The following PCED1B variants were observed in gnomAD, a reference collection of about 807,000 sequenced individuals.
PCED1B encodes the protein PC-esterase domain containing 1B.
For missense variants in PCED1B, 573 were observed against 573.9 expected (o/e 1.00, Z 0.02); for synonymous variants, 251 against 246.1 (o/e 1.02, Z -0.19).
intron 2 of PCED1B, among the ~76,000 whole-genome samples, chr12:47,112,461 C>T (rs910295509): frequency 2.0e-5 from 3 of 152,236 alleles, no homozygotes; most frequent in African/African-American, 7.2e-5. Flanking sequence ...AAATATATCT[C>T]TCCATATTCC....
At chr12:47,155,050 A>G (rs1409912434) in intron 2 of PCED1B, among the ~76,000 whole-genome samples, 1 of 152,138 alleles carries the variant, frequency 6.6e-6, no homozygotes, top group Non-Finnish European at 1.5e-5. Context: ...GACTGAGTGG[A>G]TGGATGATTC....
chr12:47,170,677 T>C (rs914090087), intron 2 of PCED1B, among the ~76,000 whole-genome samples: 1 of 152,280 alleles, frequency 6.6e-6, no homozygotes, highest in Non-Finnish European at 1.5e-5. Context: ...CACTTTGTTT[T>C]AAGCATTAAA....
chr12:47,187,627 G>T (rs1942312993), intron 2 of PCED1B, among the ~76,000 whole-genome samples: 1 of 152,036 alleles, frequency 6.6e-6, no homozygotes, highest in African/African-American at 2.4e-5. Context: ...AACTAAACAT[G>T]CTAATGAACT....
intron 1 of PCED1B, among the ~76,000 whole-genome samples, chr12:47,099,549 T>G (rs1938616177): frequency 6.6e-6 from 1 of 152,168 alleles, no homozygotes; most frequent in Non-Finnish European, 1.5e-5. Flanking sequence ...TCCTTCTCCC[T>G]CTCTCAGAAT....
At chr12:47,211,050 G>A (rs1943062283) in intron 2 of PCED1B, among the ~76,000 whole-genome samples, 1 of 152,056 alleles carries the variant, frequency 6.6e-6, no homozygotes, top group Admixed American at 6.6e-5. Flanking sequence ...TTTTCATGGC[G>A]CTATTTTCAT....
At chr12:47,173,713 A>T (rs937242213) in intron 2 of PCED1B, among the ~76,000 whole-genome samples, 1 of 152,210 alleles carries the variant, frequency 6.6e-6, no homozygotes, top group Non-Finnish European at 1.5e-5. Flanking sequence ...TAATCTTTGA[A>T]GTACCAGAAG....
intron 2 of PCED1B, among the ~76,000 whole-genome samples, chr12:47,176,817 C>T (rs1941939537): frequency 6.6e-6 from 1 of 151,668 alleles, no homozygotes; most frequent in South Asian, 2.1e-4. Flanking sequence ...GACGCTATTT[C>T]CAATGTCAAC....
intron 2 of PCED1B, among the ~76,000 whole-genome samples, chr12:47,211,624 A>G (rs935127945): frequency 1.5e-5 from 2 of 136,798 alleles, no homozygotes; most frequent in Non-Finnish European, 3.0e-5. Context: ...ACTGCACTCT[A>G]CTATGGGCAA....
intron 2 of PCED1B, among the ~76,000 whole-genome samples, chr12:47,108,523 G>T (rs79365036): frequency 0.02 from 3,041 of 152,208 alleles, 109 homozygotes; most frequent in African/African-American, 0.07. Flanking sequence ...GATCATCTTT[G>T]TACTTTTCCT....
chr12:47,188,818 C>CTCT (rs1942356638), intron 2 of PCED1B, among the ~76,000 whole-genome samples: 1 of 152,066 alleles, frequency 6.6e-6, no homozygotes, highest in African/African-American at 2.4e-5. Flanking sequence ...ACTCATTCTC[C>CTCT]GTAAAAAACA....
chr12:47,220,224 T>C (rs1021239904), intron 3 of PCED1B, among the ~76,000 whole-genome samples: 3 of 152,156 alleles, frequency 2.0e-5, no homozygotes, highest in Non-Finnish European at 4.4e-5. Flanking sequence ...CAAGCTGGAG[T>C]GCAGTGGCGC....
At chr12:47,119,442 C>A (rs936512613) in intron 2 of PCED1B, among the ~76,000 whole-genome samples, 1 of 151,816 alleles carries the variant, frequency 6.6e-6, no homozygotes, top group Admixed American at 6.6e-5. Flanking sequence ...CCTATAATCC[C>A]AAAGTATTGG....
intron 2 of PCED1B, among the ~76,000 whole-genome samples, chr12:47,189,243 C>T (rs1255091118): frequency 3.3e-5 from 5 of 152,098 alleles, no homozygotes; most frequent in Non-Finnish European, 7.4e-5. Context: ...AAGACAGGGC[C>T]GCCATTACCC....
rs371572085 is a variant in PCED1B at position 47,233,302 on chromosome 12, C to T, written c.-57-1705C>T. 4.3e-4 allele frequency among the ~76,000 whole-genome samples: 65 copies of T among 152,276 alleles called. No individual in the cohort carries two copies. The South Asian group carries it at 0.013, about 31-fold the overall frequency. On this transcript the variant is annotated intron_variant, in intron 3 of 3. Coordinates refer to ENST00000546455, the MANE Select transcript of PCED1B (RefSeq NM_138371.3). ...CTGTTCAGGTGTCCGCCACCACGCC[C>T]GGCTAATTTTTTGTATTTTTAGTAG...
intron 2 of PCED1B, among the ~76,000 whole-genome samples, chr12:47,170,541 A>G (rs1399697418): frequency 1.3e-5 from 2 of 151,800 alleles, no homozygotes; most frequent in African/African-American, 2.4e-5. Context: ...CCTCCCGGAT[A>G]TTACTCATCT....
intron 2 of PCED1B, among the ~76,000 whole-genome samples, chr12:47,166,176 G>A (rs1462403629): frequency 6.6e-6 from 1 of 152,156 alleles, no homozygotes; most frequent in Non-Finnish European, 1.5e-5. Flanking sequence ...CAGGCTCTGT[G>A]GGAGGGTAAG....
intron 2 of PCED1B, among the ~76,000 whole-genome samples, chr12:47,139,576 G>A (rs77078479): frequency 0.067 from 10,177 of 152,202 alleles, 487 homozygotes; most frequent in African/African-American, 0.14. Flanking sequence ...TGGAAATAAG[G>A]TCAGGAAGGC....
In PCED1B at chr12:47,195,376, T is replaced by C. The variant is rs77200051; in HGVS notation, c.-525-20846T>C. Among the ~76,000 whole-genome samples the C allele has an allele frequency of 1.9e-3, 289 of 151,716 alleles. 10 individuals are homozygous for C. In the East Asian group the frequency reaches 0.026, roughly 14 times the overall value. On this transcript the variant is annotated intron_variant, in intron 2 of 3. Coordinates refer to ENST00000546455, the MANE Select transcript of PCED1B (RefSeq NM_138371.3). ...AAATATTTCTGAAGGTGACAGCTAA[T>C]GTCTCGAGGGAGAAAATGAGGATCA...
chr12:47,169,376 G>A lies in PCED1B; in HGVS notation c.-525-46846G>A, dbSNP rs117914645. Among the ~76,000 whole-genome samples the A allele has an allele frequency of 3.4e-3, 514 of 152,040 alleles. 8 individuals are homozygous for A. In the South Asian group the frequency reaches 0.041, roughly 12 times the overall value. On this transcript the variant is annotated intron_variant, in intron 2 of 3. Coordinates refer to ENST00000546455, the MANE Select transcript of PCED1B (RefSeq NM_138371.3). ...ACCTCTCATGTGAGGGTCTTATGTCGTATTTCAGGGGAGAAGAAAGTGTCA... is the reference window on the plus strand; with the variant it reads ...ACCTCTCATGTGAGGGTCTTATGTCATATTTCAGGGGAGAAGAAAGTGTCA...
Sources: allele counts gnomAD v4.1 joint callset (sites outside exome capture counted in the v4.1 genomes callset), GRCh38; gene constraint gnomAD v4.1.1; transcripts MANE v1.5; gene names NCBI Gene and HGNC (gene_info 2026-07-23, HGNC 2026-07-21).